The following RAP1GAP2 variants were observed in gnomAD, a reference collection of about 807,000 sequenced individuals.
RAP1GAP2 encodes the protein RAP1 GTPase activating protein 2, also known as rap1 GTPase-activating protein 2.
A neutral mutation model predicts 95.0 loss-of-function variants in RAP1GAP2; 27 were observed. That is an observed-to-expected ratio of 0.28 (90% CI 0.21 to 0.39). The LOEUF (loss-of-function observed/expected upper bound fraction) is 0.39. Among genes scored for constraint, RAP1GAP2 ranks in the 10% least tolerant of loss-of-function variants. The pLI is 1.00. For synonymous variants in RAP1GAP2, 373 were observed against 380.9 expected (o/e 0.98, Z 0.24); for missense variants, 771 against 970.0 (o/e 0.79, Z 2.72).
chr17:2,929,331 G>A (rs1452413988), intron 3 of RAP1GAP2, among the ~76,000 whole-genome samples: 5 of 152,028 alleles, frequency 3.3e-5, no homozygotes, highest in Non-Finnish European at 5.9e-5. Context: ...GGCCTGTGGA[G>A]GGTGTGCACC....
chr17:2,888,676 G>A (rs1262964434), intron 2 of RAP1GAP2, among the ~76,000 whole-genome samples: 2 of 145,940 alleles, frequency 1.4e-5, no homozygotes, highest in African/African-American at 5.0e-5. Flanking sequence ...TTTTGGAGAC[G>A]GAGTCTTGCT....
intron 2 of RAP1GAP2, among the ~76,000 whole-genome samples, chr17:2,802,754 A>G (rs1424565704): frequency 6.6e-6 from 1 of 152,050 alleles, no homozygotes; most frequent in Non-Finnish European, 1.5e-5. Context: ...GTAGTCCCGA[A>G]AGGCTGCCTG....
intron 2 of RAP1GAP2, among the ~76,000 whole-genome samples, chr17:2,894,976 T>C (rs9915723): frequency 0.9 from 137,493 of 152,150 alleles, 62,301 homozygotes; most frequent in African/African-American, 0.95. Flanking sequence ...TTGGCTTCCT[T>C]CCTTTGCCCT....
chr17:2,796,125 C>T (rs2069073288), upstream of RAP1GAP2, among the ~76,000 whole-genome samples: 1 of 152,174 alleles, frequency 6.6e-6, no homozygotes, highest in African/African-American at 2.4e-5. This position sits in a 1 kb window ranked among gnomAD's most constrained non-coding sequence, Gnocchi z 4.7. Flanking sequence ...CTGAGGCTTC[C>T]AGCTGAATCT....
intron 2 of RAP1GAP2, among the ~76,000 whole-genome samples, chr17:2,880,356 C>T (rs2073240880): frequency 6.7e-6 from 1 of 150,062 alleles, no homozygotes; most frequent in Non-Finnish European, 1.5e-5. Context: ...GCCGTTGGGA[C>T]AAGGGGGTGC....
intron 2 of RAP1GAP2, among the ~76,000 whole-genome samples, chr17:2,811,900 A>C (rs1480346213): frequency 6.6e-6 from 1 of 152,056 alleles, no homozygotes; most frequent in African/African-American, 2.4e-5. Flanking sequence ...TTTTTACTAG[A>C]GGCGAGGTTT....
intron 3 of RAP1GAP2, among the ~76,000 whole-genome samples, chr17:2,941,117 G>A (rs1040343072): frequency 1.3e-5 from 2 of 152,156 alleles, no homozygotes; most frequent in East Asian, 3.9e-4. Context: ...AAAAGACCGC[G>A]TGGGCCGGGA....
At chr17:2,817,687 A>C (rs1328931736) in intron 2 of RAP1GAP2, among the ~76,000 whole-genome samples, 1 of 116,902 alleles carries the variant, frequency 8.6e-6, no homozygotes, top group East Asian at 2.4e-4. Flanking sequence ...CACACGGCTA[A>C]ATTTTGTATT....
intron 2 of RAP1GAP2, among the ~76,000 whole-genome samples, chr17:2,865,586 A>C (rs775718293): frequency 4.6e-5 from 7 of 152,240 alleles, no homozygotes; most frequent in Non-Finnish European, 8.8e-5. Flanking sequence ...TTTGAGATGC[A>C]CAGACAGAAA....
At chr17:2,831,547 A>G (rs2070854290) in intron 2 of RAP1GAP2, among the ~76,000 whole-genome samples, 1 of 151,840 alleles carries the variant, frequency 6.6e-6, no homozygotes, top group Non-Finnish European at 1.5e-5. Flanking sequence ...AATTTTAGAG[A>G]CTGATGATTC....
chr17:2,965,262 T>G lies in RAP1GAP2; in HGVS notation c.493-278T>G. The G allele has an allele frequency of 4.3e-5, 19 of 445,678 alleles. No individual in the cohort carries two copies. The highest frequency in any genetic ancestry group is 4.5e-5 in the Non-Finnish European group (11 of 243,476). 27.6% of individuals were successfully genotyped at this position (445,678 alleles called of 1,614,324 possible). A position where few individuals can be genotyped will look rare whatever the true frequency, so the allele number is the denominator to read the frequency against. On this transcript the variant is annotated intron_variant, in intron 7 of 24. Coordinates refer to ENST00000254695, the MANE Select transcript of RAP1GAP2 (RefSeq NM_015085.5). The surrounding 1 kb of genome is among the most constrained non-coding windows in gnomAD (Gnocchi z 4.7). Reference sequence around the variant, plus strand: ...GGGCAGTGACTTAACCCCCCGACCATTGGTTTTCCCATCTGTGAAATGGGG... The same window carrying G: ...GGGCAGTGACTTAACCCCCCGACCAGTGGTTTTCCCATCTGTGAAATGGGG...
intron 3 of RAP1GAP2, among the ~76,000 whole-genome samples, chr17:2,912,214 C>G (rs894198132): frequency 6.6e-6 from 1 of 152,214 alleles, no homozygotes; most frequent in Non-Finnish European, 1.5e-5. Context: ...TTGCCCCTCT[C>G]TATCCCTCTG....
chr17:2,869,444 A>G (rs75106207), intron 2 of RAP1GAP2, among the ~76,000 whole-genome samples: 16,056 of 152,040 alleles, frequency 0.11, 1,822 homozygotes, highest in East Asian at 0.59. Context: ...ATGATGAAAA[A>G]AAAAAAACCT....
chr17:2,790,574 G>A (rs2068899369), intron 1 of RAP1GAP2, among the ~76,000 whole-genome samples: 1 of 151,816 alleles, frequency 6.6e-6, no homozygotes, highest in South Asian at 2.1e-4. Flanking sequence ...AGCTCCAGGG[G>A]GTTAGTACTG....
rs1483123740 is a variant in RAP1GAP2 at position 2,825,883 on chromosome 17, A to G, written c.80+25333A>G. On this transcript the variant is annotated intron_variant, in intron 2 of 24. Coordinates refer to ENST00000254695, the MANE Select transcript of RAP1GAP2 (RefSeq NM_015085.5). This position sits in a 1 kb window ranked among gnomAD's most constrained non-coding sequence, Gnocchi z 4.1. ...GATATTCTTCCTGGTGGAATGAGGG[A>G]AGGCTTCTTGAAGGAGGCGGCGCTG... Among the ~76,000 whole-genome samples, 2 of 152,048 alleles carry G rather than the reference A, an allele frequency of 1.3e-5. No individual in the cohort carries two copies. The highest frequency in any genetic ancestry group is 2.9e-5 in the Non-Finnish European group (2 of 68,026).
intron 2 of RAP1GAP2, among the ~76,000 whole-genome samples, chr17:2,823,018 T>G (rs144716367): frequency 1.8e-3 from 277 of 152,242 alleles, no homozygotes; most frequent in Non-Finnish European, 3.5e-3. Context: ...GGAGTGCTGC[T>G]TCCTTGGGGT....
intron 2 of RAP1GAP2, among the ~76,000 whole-genome samples, chr17:2,771,557 G>A (rs888222451): frequency 4.2e-5 from 6 of 144,424 alleles, no homozygotes; most frequent in Non-Finnish European, 7.4e-5. Context: ...GTAATGGCAC[G>A]ATCTTGGCTC....
intron 2 of RAP1GAP2, among the ~76,000 whole-genome samples, chr17:2,861,874 T>A (rs1469395151): frequency 6.6e-6 from 1 of 152,180 alleles, no homozygotes; most frequent in East Asian, 1.9e-4. Context: ...CAGGCTGCTC[T>A]CGAACTCCTG....
intron 1 of RAP1GAP2, among the ~76,000 whole-genome samples, chr17:2,782,137 A>G (rs1474608120): frequency 6.6e-6 from 1 of 152,076 alleles, no homozygotes; most frequent in African/African-American, 2.4e-5. Context: ...GTCTTCTGCC[A>G]TGCCCCATCC....
Sources: allele counts gnomAD v4.1 joint callset (sites outside exome capture counted in the v4.1 genomes callset), GRCh38; gene constraint gnomAD v4.1.1; non-coding constraint Gnocchi (gnomAD v3.1); transcripts MANE v1.5; gene names NCBI Gene and HGNC (gene_info 2026-07-23, HGNC 2026-07-21).